Variants in CLEC2A observed in about 807,000 individuals in gnomAD.
CLEC2A encodes C-type lectin domain family 2 member A, also known as keratinocyte-associated C-type lectin.
A neutral mutation model predicts 18.6 loss-of-function variants in CLEC2A; 19 were observed. The ratio of observed to expected loss-of-function variants is 1.02; its 90% CI spans 0.71 to 1.50. CLEC2A has a LOEUF of 1.50. CLEC2A is among the 40% of genes most tolerant of loss of function. CLEC2A has a pLI of 0.00. For missense variants in CLEC2A, 190 were observed against 207.9 expected (o/e 0.91, Z 0.53); for synonymous variants, 74 against 64.0 (o/e 1.16, Z -0.75).
chr12:9,915,694 G>A (rs1362989436), intron 4 of CLEC2A, among the ~76,000 whole-genome samples: 1 of 152,060 alleles, frequency 6.6e-6, no homozygotes, highest in Non-Finnish European at 1.5e-5. Flanking sequence ...CACACACTGG[G>A]GGCAGTAGGG....
intron 3 of CLEC2A, among the ~76,000 whole-genome samples, chr12:9,921,322 T>C (rs974129072): frequency 3.3e-5 from 5 of 152,144 alleles, no homozygotes; most frequent in Non-Finnish European, 7.4e-5. Flanking sequence ...CTGTTTATGG[T>C]ATCTCATGCT....
chr12:9,892,968 C>T, the CLEC2A span: 3 of 1,334,918 alleles, frequency 2.2e-6, no homozygotes, highest in South Asian at 1.4e-5. Context: ...ATATTTCTAT[C>T]TTCCCTGTTG....
At chr12:9,900,089 T>A (rs1198918821) in intron 4 of CLEC2A, among the ~76,000 whole-genome samples, 6 of 152,196 alleles carry the variant, frequency 3.9e-5, no homozygotes, top group Non-Finnish European at 5.9e-5. Flanking sequence ...TTGCTAGGAT[T>A]TGGGTGCATG....
intron 4 of CLEC2A, among the ~76,000 whole-genome samples, chr12:9,902,265 A>G (rs1377915090): frequency 2.4e-5 from 3 of 126,398 alleles, no homozygotes; most frequent in Non-Finnish European, 4.8e-5. Flanking sequence ...ATTTAGTCTT[A>G]CTCTGTCGCC....
chr12:9,892,615 G>T, the CLEC2A span, among the ~76,000 whole-genome samples: 6 of 117,728 alleles, frequency 5.1e-5, no homozygotes, highest in African/African-American at 2.0e-4. Context: ...ACAGAGTTTC[G>T]CTCTTGTTGC....
chr12:9,914,478 A>G (rs1390480156), intron 4 of CLEC2A, among the ~76,000 whole-genome samples: 2 of 152,244 alleles, frequency 1.3e-5, no homozygotes, highest in African/African-American at 4.8e-5. Flanking sequence ...ACAAGGCTAC[A>G]GTAACCAAAA....
At chr12:9,890,459 A>T in the CLEC2A span, among the ~76,000 whole-genome samples, 1 of 152,164 alleles carries the variant, frequency 6.6e-6, no homozygotes. Context: ...GTTGTAGGGT[A>T]CAGGTTACTG....
chr12:9,897,291 C>G (rs1487472074), downstream of CLEC2A, among the ~76,000 whole-genome samples: 1 of 152,106 alleles, frequency 6.6e-6, no homozygotes, highest in Non-Finnish European at 1.5e-5. Flanking sequence ...TCCCATTTCC[C>G]TTTCCCTCTA....
At position 9,926,203 on chromosome 12, in the gene CLEC2A, T is replaced by C; in HGVS notation, c.139+57A>G. The C allele has an allele frequency of 1.2e-5, 13 of 1,042,822 alleles. 1 individual carries two copies. The Middle Eastern group carries it at 2.4e-3, about 195-fold the overall frequency. The allele number at this position is 1,042,822 out of a possible 1,614,324, so 64.6% of individuals were successfully genotyped here. A position where few individuals can be genotyped will look rare whatever the true frequency, so the allele number is the denominator to read the frequency against. ...GAGATTTGGAGTTAAACTTGAGATA[T>C]ACATGGACCCTTCAGGAGTGAAGAA... On this transcript the variant is annotated intron_variant, in intron 2 of 4. Coordinates refer to ENST00000455827, the MANE Select transcript of CLEC2A (RefSeq NM_001130711.2).
the CLEC2A span, chr12:9,893,233 T>C: frequency 2.1e-6 from 3 of 1,433,996 alleles, no homozygotes; most frequent in Non-Finnish European, 2.8e-6. Flanking sequence ...GTTCACTGCC[T>C]AAGAAGCTTG....
At chr12:9,919,848 C>CGG (rs1863135753) in intron 3 of CLEC2A, among the ~76,000 whole-genome samples, 2 of 152,162 alleles carry the variant, frequency 1.3e-5, no homozygotes, top group Non-Finnish European at 2.9e-5. Context: ...ATAGCTATTA[C>CGG]CGGCCCAAGA....
At chr12:9,895,826 G>T, downstream of CLEC2A, 1 of 1,529,546 alleles carries the variant, frequency 6.5e-7, no homozygotes, top group Admixed American at 2.0e-5. Context: ...GGAACCAGTG[G>T]TGTGTAAATG....
chr12:9,927,648 GAA>G (rs985649782), intron 1 of CLEC2A, among the ~76,000 whole-genome samples: 14 of 152,072 alleles, frequency 9.2e-5, no homozygotes, highest in Non-Finnish European at 1.8e-4. Context: ...ATGAAAACTT[GAA>G]AAAGTTACTA....
At position 9,913,449 on chromosome 12, in the gene CLEC2A, T is replaced by C. The variant is rs1490197602; in HGVS notation, c.*117A>G. 1 of 1,424,910 alleles carries C rather than the reference T, an allele frequency of 7.0e-7. No homozygotes were observed. The highest frequency in any genetic ancestry group is 9.1e-7 in the Non-Finnish European group (1 of 1,097,002). The allele number at this position is 1,424,910 out of a possible 1,614,324, so 88.3% of individuals were successfully genotyped here. A position where few individuals can be genotyped will look rare whatever the true frequency, so the allele number is the denominator to read the frequency against. On this transcript the variant is annotated 3_prime_UTR_variant, in exon 5 of 5. Transcript: ENST00000455827. ...AAGTTTCCATCTATAAACTAGAAAATGGGCCCTCACCAGAGGTTCCGTATT... is the reference window on the plus strand; with the variant it reads ...AAGTTTCCATCTATAAACTAGAAAACGGGCCCTCACCAGAGGTTCCGTATT...
the CLEC2A span, chr12:9,893,498 A>T: frequency 1.3e-6 from 2 of 1,524,440 alleles, no homozygotes; most frequent in Admixed American, 2.0e-5. Flanking sequence ...ATTCCAAGGG[A>T]ACCTATGGAT....
At chr12:9,887,448 A>G in the CLEC2A span, among the ~76,000 whole-genome samples, 3 of 152,220 alleles carry the variant, frequency 2.0e-5, no homozygotes, top group African/African-American at 7.2e-5. Flanking sequence ...CTTCAAAGTT[A>G]TGAGCAATCT....
At chr12:9,931,311 A>C (rs1472772989) in intron 1 of CLEC2A, among the ~76,000 whole-genome samples, 1 of 152,204 alleles carries the variant, frequency 6.6e-6, no homozygotes, top group African/African-American at 2.4e-5. Context: ...AAATTTTCTT[A>C]TGAAGTTTTC....
At position 9,920,465 on chromosome 12, in the gene CLEC2A, T is replaced by A. The variant is rs775999570; in HGVS notation, c.306+1601A>T. On this transcript the variant is annotated intron_variant, in intron 3 of 4. Coordinates refer to ENST00000455827, the MANE Select transcript of CLEC2A (RefSeq NM_001130711.2). ...ATGGGAGCAGCATGGGTTCCAGGGG[T>A]TGCACATTCACTCACCACTTCCCTG... Among the ~76,000 whole-genome samples, 10 of 152,214 alleles carry A rather than the reference T, an allele frequency of 6.6e-5. No individual in the cohort carries two copies. In the South Asian group the frequency reaches 1.4e-3, roughly 22 times the overall value.
chr12:9,913,594 A>G lies in CLEC2A; in HGVS notation c.497T>C (p.Ile166Thr). 6.5e-7 allele frequency: 1 copy of G among 1,549,416 alleles called. No homozygotes were observed. The highest frequency in any genetic ancestry group is 8.7e-7 in the Non-Finnish European group (1 of 1,146,672). Residue 166 changes from isoleucine to threonine, a missense_variant, in exon 5 of 5, where the codon ATT (isoleucine) becomes ACT (threonine). Coordinates refer to ENST00000455827, the MANE Select transcript of CLEC2A (RefSeq NM_001130711.2). ...TAAAAAATATTTAGGTTTGCTGCAA[A>G]TCCACTTGATATCAATAAATCCTCT... ...SSRGFIDIKW[I>T]CSKPKYFL is the part of the protein sequence containing the mutation.
Sources: allele counts gnomAD v4.1 joint callset (sites outside exome capture counted in the v4.1 genomes callset), GRCh38; gene constraint gnomAD v4.1.1; transcripts MANE v1.5; gene names NCBI Gene and HGNC (gene_info 2026-07-23, HGNC 2026-07-21).